CFAP20DC: variants seen among roughly 807,000 people sequenced by gnomAD.
CFAP20DC encodes the protein protein CFAP20DC.
A neutral mutation model predicts 101.7 loss-of-function variants in CFAP20DC; 84 were observed. The observed-to-expected ratio is 0.83, with a 90% CI of 0.69 to 0.99. The LOEUF (loss-of-function observed/expected upper bound fraction) is 0.99. Ranked by LOEUF, CFAP20DC falls within the 50% of genes least tolerant of loss-of-function variation. The pLI is 0.00. For synonymous variants in CFAP20DC, 359 were observed against 351.2 expected (o/e 1.02, Z -0.25); for missense variants, 1,007 against 970.3 (o/e 1.04, Z -0.50).
intron 7 of CFAP20DC, among the ~76,000 whole-genome samples, chr3:58,878,868 C>T (rs1263205766): frequency 3.9e-5 from 6 of 152,034 alleles, no homozygotes; most frequent in African/African-American, 1.2e-4. Context: ...ATTAGCCGGG[C>T]GTGGTGGTGG....
In CFAP20DC at chr3:59,015,878, T is replaced by C. The variant is rs540658023; in HGVS notation, c.278+23679A>G. Among the ~76,000 whole-genome samples the C allele has an allele frequency of 2.6e-5, 4 of 152,118 alleles. No individual in the cohort carries two copies. Among genetic ancestry groups the C allele is most frequent in the African/African-American group, 9.6e-5 (4 of 41,518 alleles). ...TGTTTTACTCTTTAGAAGCCTGAGG[T>C]TGGGATTCTCTTTTGAAGCAATGGG... On this transcript the variant is annotated intron_variant, in intron 4 of 16. Transcript: ENST00000482387. This position sits in a 1 kb window ranked among gnomAD's most constrained non-coding sequence, Gnocchi z 5.4.
At chr3:58,716,274 G>T (rs912147674), downstream of CFAP20DC, among the ~76,000 whole-genome samples, 100 of 146,450 alleles carry the variant, frequency 6.8e-4, 1 homozygote, top group Non-Finnish European at 1.1e-3. Flanking sequence ...CCATTCTCCT[G>T]CCTCAGCCTC....
At chr3:58,954,408 G>C (rs946272357) in intron 4 of CFAP20DC, among the ~76,000 whole-genome samples, 1 of 152,090 alleles carries the variant, frequency 6.6e-6, no homozygotes, top group African/African-American at 2.4e-5. Context: ...TGTTCTTTAA[G>C]CCAAAATGGT....
intron 5 of CFAP20DC, among the ~76,000 whole-genome samples, chr3:58,935,966 T>G (rs1307075172): frequency 6.6e-6 from 1 of 151,920 alleles, no homozygotes. Flanking sequence ...CAAAAGAAAC[T>G]ACCATCAGAG....
At chr3:58,787,174 G>C (rs896927835) in intron 15 of CFAP20DC, among the ~76,000 whole-genome samples, 2 of 151,770 alleles carry the variant, frequency 1.3e-5, no homozygotes, top group East Asian at 3.9e-4. Context: ...CTCTAGCACA[G>C]AGTAACGCTG....
At chr3:58,823,863 G>A (rs1297205553) in intron 14 of CFAP20DC, among the ~76,000 whole-genome samples, 1 of 152,070 alleles carries the variant, frequency 6.6e-6, no homozygotes, top group African/African-American at 2.4e-5. Context: ...TCATTCTCAT[G>A]ACATGTCACT....
chr3:58,905,243 T>C (rs1395103952), intron 6 of CFAP20DC, among the ~76,000 whole-genome samples: 3 of 152,092 alleles, frequency 2.0e-5, no homozygotes, highest in Non-Finnish European at 4.4e-5. Flanking sequence ...CTCATTTCTC[T>C]CCTCTGTCTT....
At chr3:58,796,910 A>G (rs1311711692) in intron 15 of CFAP20DC, among the ~76,000 whole-genome samples, 1 of 152,142 alleles carries the variant, frequency 6.6e-6, no homozygotes, top group Admixed American at 6.6e-5. Flanking sequence ...TGATGTTACT[A>G]TCAAATTGTT....
rs557176306 is a variant in CFAP20DC at position 58,914,692 on chromosome 3, A to ATT, written c.394-830_394-829dup. 8.8e-5 allele frequency among the ~76,000 whole-genome samples: 13 copies of ATT among 147,940 alleles called. No homozygotes were observed. The highest frequency in any genetic ancestry group is 3.4e-4 in the Admixed American group (5 of 14,824). On this transcript the variant is annotated intron_variant, in intron 5 of 16. Coordinates refer to ENST00000482387, the MANE Select transcript of CFAP20DC (RefSeq NM_001394063.1). This position sits in a 1 kb window ranked among gnomAD's most constrained non-coding sequence, Gnocchi z 4.9. Reference sequence around the variant, plus strand: ...TGTATATATAAATATATATATATATATTTTTTTTCTTTTTTTTAAAGACAA... The same window carrying ATT: ...TGTATATATAAATATATATATATATATTTTTTTTTTCTTTTTTTTAAAGACAA...
chr3:58,733,440 G>GA (rs1294488953), intron 3 of CFAP20DC, among the ~76,000 whole-genome samples: 2 of 152,102 alleles, frequency 1.3e-5, no homozygotes, highest in East Asian at 1.9e-4. Flanking sequence ...TACTCTGAGG[G>GA]AAAAAATGTA....
intron 5 of CFAP20DC, among the ~76,000 whole-genome samples, chr3:58,935,923 T>A (rs75829130): frequency 5.3e-5 from 8 of 151,360 alleles, no homozygotes; most frequent in Non-Finnish European, 1.0e-4. Context: ...ATTGACAAAT[T>A]GGATCTAATT....
At chr3:59,025,082 G>A (rs1426153697) in intron 4 of CFAP20DC, among the ~76,000 whole-genome samples, 2 of 152,196 alleles carry the variant, frequency 1.3e-5, no homozygotes, top group East Asian at 3.9e-4. Context: ...TTTTTCCCAG[G>A]TCCTGCTTCT....
At chr3:58,851,240 T>C (rs2078203006) in intron 12 of CFAP20DC, among the ~76,000 whole-genome samples, 1 of 152,164 alleles carries the variant, frequency 6.6e-6, no homozygotes, top group East Asian at 1.9e-4. Context: ...GGTATACGTT[T>C]ATGGATACTG....
chr3:59,033,994 T>C (rs1197740510), intron 4 of CFAP20DC, among the ~76,000 whole-genome samples: 1 of 152,188 alleles, frequency 6.6e-6, no homozygotes, highest in Non-Finnish European at 1.5e-5. Context: ...AGACTAACAA[T>C]GGATCTCTCT....
At chr3:58,809,416 C>T (rs1340478293) in intron 14 of CFAP20DC, among the ~76,000 whole-genome samples, 1 of 152,164 alleles carries the variant, frequency 6.6e-6, no homozygotes, top group Non-Finnish European at 1.5e-5. Flanking sequence ...AACCGCTCAA[C>T]TACATGGAAA....
chr3:58,755,553 G>C (rs1170632139), intron 15 of CFAP20DC, among the ~76,000 whole-genome samples: 4 of 152,120 alleles, frequency 2.6e-5, no homozygotes, highest in Non-Finnish European at 4.4e-5. Context: ...ACCCCAGTGG[G>C]GAAAGTGTAG....
chr3:58,854,760 T>A (rs2078607546), intron 12 of CFAP20DC, among the ~76,000 whole-genome samples: 1 of 150,732 alleles, frequency 6.6e-6, no homozygotes, highest in Non-Finnish European at 1.5e-5. Context: ...TAATAAATGG[T>A]GCTGGGAAAA....
rs902804133 is a variant in CFAP20DC at position 58,859,226 on chromosome 3, A to G, written c.1593+4332T>C. On this transcript the variant is annotated intron_variant, in intron 12 of 16. Transcript: ENST00000482387. This position sits in a 1 kb window ranked among gnomAD's most constrained non-coding sequence, Gnocchi z 4.1. ...GGTTTGGCCAAATTACTTTCATGAC[A>G]TCTTTACCTATAGCAAATGATACTT... Among the ~76,000 whole-genome samples, 1 of 152,206 alleles carries G rather than the reference A, an allele frequency of 6.6e-6. No homozygotes were observed. The highest frequency in any genetic ancestry group is 1.5e-5 in the Non-Finnish European group (1 of 68,040).
intron 13 of CFAP20DC, among the ~76,000 whole-genome samples, chr3:58,843,300 A>G (rs888549008): frequency 2.0e-5 from 3 of 151,766 alleles, no homozygotes; most frequent in African/African-American, 7.2e-5. Context: ...AGAATAACCA[A>G]TACAGAGAAG....
Sources: gnomAD v4.1 joint callset for allele counts (sites outside exome capture counted in the v4.1 genomes callset) on GRCh38, gnomAD v4.1.1 for gene constraint, Gnocchi (gnomAD v3.1) non-coding constraint, MANE v1.5 for transcripts, NCBI Gene and HGNC (gene_info 2026-07-23, HGNC 2026-07-21) for gene names.